NEURL1: variants seen among roughly 807,000 people sequenced by gnomAD.
NEURL1 encodes neuralized E3 ubiquitin protein ligase 1, also known as E3 ubiquitin-protein ligase NEURL1.
A neutral mutation model predicts 41.2 loss-of-function variants in NEURL1; 26 were observed. The ratio of observed to expected loss-of-function variants is 0.63; its 90% CI spans 0.46 to 0.87. The LOEUF (loss-of-function observed/expected upper bound fraction) is 0.87. Among genes scored for constraint, NEURL1 ranks in the 40% least tolerant of loss-of-function variants. The pLI is 0.00. For missense variants in NEURL1, 761 were observed against 871.1 expected, an observed-to-expected ratio of 0.87 and a Z score of 1.59; for synonymous variants, 400 against 402.3, an observed-to-expected ratio of 0.99 and a Z score of 0.07.
At chr10:103,506,937 A>T (rs1452204701) in intron 1 of NEURL1, among the ~76,000 whole-genome samples, 1 of 152,064 alleles carries the variant, frequency 6.6e-6, no homozygotes, top group Non-Finnish European at 1.5e-5. Flanking sequence ...TCCCGAAGGG[A>T]GAAGGTCTGG....
chr10:103,564,647 GACC>G (rs780900674), intron 1 of NEURL1, among the ~76,000 whole-genome samples: 7 of 152,198 alleles, frequency 4.6e-5, no homozygotes, highest in Non-Finnish European at 7.3e-5. Context: ...ACTGCTGTGT[GACC>G]ACAAGTGAGT....
chr10:103,534,792 G>A (rs765886658), intron 1 of NEURL1, among the ~76,000 whole-genome samples: 1 of 152,134 alleles, frequency 6.6e-6, no homozygotes, highest in African/African-American at 2.4e-5. Flanking sequence ...GGTCTTGCAA[G>A]CGTATTATGC....
intron 1 of NEURL1, among the ~76,000 whole-genome samples, chr10:103,503,310 A>G (rs916761384): frequency 6.6e-6 from 1 of 152,208 alleles, no homozygotes; most frequent in Non-Finnish European, 1.5e-5. Context: ...GGAAATGAGC[A>G]GGTGTTGACA....
intron 1 of NEURL1, among the ~76,000 whole-genome samples, chr10:103,543,893 G>A (rs543622878): frequency 1.3e-5 from 2 of 152,136 alleles, no homozygotes; most frequent in Non-Finnish European, 2.9e-5. Flanking sequence ...CAACTGGCTC[G>A]TGTGCATGGA....
At chr10:103,533,186 C>T (rs4918021) in intron 1 of NEURL1, among the ~76,000 whole-genome samples, 42,423 of 151,754 alleles carry the variant, frequency 0.28, 6,144 homozygotes, top group East Asian at 0.43. Context: ...CTTGGCCTCT[C>T]AAGGTGCTGG....
chr10:103,566,980 TTC>T lies in NEURL1; in HGVS notation c.86-3890_86-3889del, dbSNP rs1467589933. On this transcript the variant is annotated intron_variant, in intron 1 of 5. Coordinates refer to ENST00000369780, the MANE Select transcript of NEURL1 (RefSeq NM_004210.5). This position sits in a 1 kb window ranked among gnomAD's most constrained non-coding sequence, Gnocchi z 4.2. ...AGGAAACTTTGTTTCTTTTCTTTCT[TTC>T]TTTTTTTTTTTTTTGTTTGAGACAG... 1.3e-5 allele frequency among the ~76,000 whole-genome samples: 2 copies of T among 151,382 alleles called. No individual in the cohort carries two copies. The highest frequency in any genetic ancestry group is 4.9e-5 in the African/African-American group (2 of 40,916).
intron 1 of NEURL1, among the ~76,000 whole-genome samples, chr10:103,519,876 C>T (rs12781250): frequency 0.27 from 40,234 of 151,516 alleles, 5,748 homozygotes; most frequent in East Asian, 0.42. Flanking sequence ...CTTGACCCCC[C>T]GGGGCTCAAG....
At chr10:103,574,058 G>A (rs962360495) in intron 3 of NEURL1, among the ~76,000 whole-genome samples, 58 of 152,210 alleles carry the variant, frequency 3.8e-4, no homozygotes, top group Non-Finnish European at 2.1e-4. Context: ...TGCAGAGGAC[G>A]TGGAGGAATA....
intron 1 of NEURL1, among the ~76,000 whole-genome samples, chr10:103,540,690 T>C (rs957831445): frequency 5.9e-5 from 9 of 152,228 alleles, no homozygotes; most frequent in African/African-American, 2.2e-4. Flanking sequence ...ATAAGAATCA[T>C]TTTCGTTACC....
At chr10:103,590,081 C>A in intron 5 of NEURL1, 53 bp from the exon 6 acceptor site, 6 of 1,556,042 alleles carry the variant, frequency 3.9e-6, no homozygotes, top group Non-Finnish European at 5.3e-6. Context: ...TCCCGTGAAT[C>A]CAGCGCCGGG....
chr10:103,559,397 G>A (rs58843813), intron 1 of NEURL1, among the ~76,000 whole-genome samples: 2,734 of 152,270 alleles, frequency 0.018, 85 homozygotes, highest in African/African-American at 0.063. Context: ...CTGGGTCAGT[G>A]GGTAGCGGGG....
intron 1 of NEURL1, among the ~76,000 whole-genome samples, chr10:103,509,871 G>A (rs1405315416): frequency 1.3e-5 from 2 of 152,202 alleles, no homozygotes; most frequent in Non-Finnish European, 2.9e-5. Flanking sequence ...GGTTGAGGAT[G>A]AGGGTTCCAT....
At chr10:103,525,560 G>A (rs954095809) in intron 1 of NEURL1, among the ~76,000 whole-genome samples, 2 of 151,860 alleles carry the variant, frequency 1.3e-5, no homozygotes, top group Non-Finnish European at 2.9e-5. Flanking sequence ...CACCATGTTG[G>A]CCAGGCTGGT....
chr10:103,512,715 G>T (rs1442913010), intron 1 of NEURL1, among the ~76,000 whole-genome samples: 2 of 152,178 alleles, frequency 1.3e-5, no homozygotes, highest in Non-Finnish European at 2.9e-5. Flanking sequence ...CTCAAGGGCA[G>T]GTATGTGTGG....
chr10:103,578,155 C>T (rs1274657451), intron 3 of NEURL1, among the ~76,000 whole-genome samples: 1 of 152,212 alleles, frequency 6.6e-6, no homozygotes, highest in Admixed American at 6.5e-5. Flanking sequence ...CTCAGCTTCT[C>T]TGTGCTTCAG....
Position 103,494,290 on chromosome 10 carries a change from TGGCGCGCACCCGC to T in NEURL1, c.-96_-84del. 1 of 958,454 alleles carries T rather than the reference TGGCGCGCACCCGC, an allele frequency of 1.0e-6. No individual in the cohort carries two copies. The highest frequency in any genetic ancestry group is 1.5e-6 in the Non-Finnish European group (1 of 659,226). The allele number at this position is 958,454 out of a possible 1,614,324, so 59.4% of individuals were successfully genotyped here. On this transcript the variant is annotated 5_prime_UTR_variant, in exon 1 of 6. Coordinates refer to ENST00000369780, the MANE Select transcript of NEURL1 (RefSeq NM_004210.5). ...CAGCCCCAGCAGGGCCCTCCCCCGGTGGCGCGCACCCGCGCGCGCACACTCGCACACCGCACCT... is the reference window on the plus strand; with the variant it reads ...CAGCCCCAGCAGGGCCCTCCCCCGGTGCGCGCACACTCGCACACCGCACCT...
intron 1 of NEURL1, among the ~76,000 whole-genome samples, chr10:103,550,141 G>C (rs1247766146): frequency 6.6e-6 from 1 of 152,224 alleles, no homozygotes; most frequent in Non-Finnish European, 1.5e-5. Context: ...GCAGGTTTAG[G>C]CTGGGAATGA....
chr10:103,533,095 T>TA (rs1458362709), intron 1 of NEURL1, among the ~76,000 whole-genome samples: 13 of 151,420 alleles, frequency 8.6e-5, no homozygotes, highest in African/African-American at 1.2e-4. Context: ...CCTGGCTATT[T>TA]TTTTTGTATT....
At chr10:103,533,801 G>A (rs574338777) in intron 1 of NEURL1, among the ~76,000 whole-genome samples, 52 of 152,248 alleles carry the variant, frequency 3.4e-4, no homozygotes, top group Non-Finnish European at 5.0e-4. Context: ...CTCCCAAAGT[G>A]CTGGGATTAC....
Sources: gnomAD v4.1 joint callset for allele counts (sites outside exome capture counted in the v4.1 genomes callset) on GRCh38, gnomAD v4.1.1 for gene constraint, Gnocchi (gnomAD v3.1) non-coding constraint, MANE v1.5 for transcripts, NCBI Gene and HGNC (gene_info 2026-07-23, HGNC 2026-07-21) for gene names.